The following RFX4 variants were observed in gnomAD, a reference collection of about 807,000 sequenced individuals.
RFX4 encodes regulatory factor X4.
A neutral mutation model predicts 95.0 loss-of-function variants in RFX4; 10 were observed. That is an observed-to-expected ratio of 0.11 (90% CI 0.06 to 0.18). RFX4 has a LOEUF of 0.18. Among genes scored for constraint, RFX4 ranks in the 10% least tolerant of loss-of-function variants. The pLI is 1.00. For missense variants in RFX4, 640 were observed against 922.0 expected (o/e 0.69, Z 3.96); for synonymous variants, 321 against 340.7 (o/e 0.94, Z 0.64).
At chr12:106,588,980 C>A (rs998139360) in intron 1 of RFX4, among the ~76,000 whole-genome samples, 1 of 152,196 alleles carries the variant, frequency 6.6e-6, no homozygotes, top group Admixed American at 6.5e-5. Context: ...GCCGGACACT[C>A]AGGTCTCTAC....
chr12:106,592,141 A>G (rs1323626137), intron 1 of RFX4, among the ~76,000 whole-genome samples: 1 of 152,158 alleles, frequency 6.6e-6, no homozygotes, highest in Non-Finnish European at 1.5e-5. Flanking sequence ...TATTATTAAC[A>G]ATAATTATCT....
intron 13 of RFX4, among the ~76,000 whole-genome samples, chr12:106,723,159 CTCTCT>C (rs1366420825): frequency 6.6e-6 from 1 of 152,176 alleles, no homozygotes; most frequent in Non-Finnish European, 1.5e-5. Context: ...TTCCTTTTCA[CTCTCT>C]TCTCCTTAAT....
chr12:106,720,641 C>T lies in RFX4; in HGVS notation c.1234-118C>T. On this transcript the variant is annotated intron_variant, in intron 12 of 17. Transcript: ENST00000392842. This position sits in a 1 kb window ranked among gnomAD's most constrained non-coding sequence, Gnocchi z 4.2. ...TCATGCGATCATCCGCCCACCTTGG[C>T]CTCCCAAAGTGCTGGGATTACAGGC... is the stretch of plus-strand genomic sequence containing the variant. 1 of 940,952 alleles carries T rather than the reference C, an allele frequency of 1.1e-6. No homozygotes were observed. The highest frequency in any genetic ancestry group is 1.7e-6 in the Non-Finnish European group (1 of 589,286). 58.3% of individuals were successfully genotyped at this position (940,952 alleles called of 1,614,324 possible).
In RFX4 at chr12:106,761,463, T is replaced by A; in HGVS notation, c.2202T>A (p.Ala734=). The A allele has an allele frequency of 2.5e-6, 4 of 1,600,234 alleles. No homozygotes were observed. The highest frequency in any genetic ancestry group is 3.4e-6 in the Non-Finnish European group (4 of 1,172,536). Residue 734 remains alanine (A), a synonymous_variant, in exon 18 of 18, where the codon GCT becomes GCA. Coordinates refer to ENST00000392842, the MANE Select transcript of RFX4 (RefSeq NM_213594.3). ...ACGGAGAGGCCTCTACAGGATGGGC[T>A]AAATGACTGCTATCATAGGCATCCA... ...YINGEASTGW[A]K
intron 1 of RFX4, among the ~76,000 whole-genome samples, chr12:106,597,576 G>C (rs928254902): frequency 1.3e-5 from 2 of 152,226 alleles, no homozygotes; most frequent in African/African-American, 4.8e-5. Context: ...CCGTTTTACA[G>C]ATGAAGAACC....
chr12:106,627,475 T>C (rs1286983738), intron 2 of RFX4, among the ~76,000 whole-genome samples: 1 of 152,046 alleles, frequency 6.6e-6, no homozygotes, highest in African/African-American at 2.4e-5. Flanking sequence ...GTGAAGAGGT[T>C]GCAGTGAGCC....
chr12:106,669,627 A>T (rs986516687), intron 4 of RFX4, among the ~76,000 whole-genome samples: 1 of 152,058 alleles, frequency 6.6e-6, no homozygotes, highest in Non-Finnish European at 1.5e-5. Flanking sequence ...CACACCCCTG[A>T]ACTGACACAG....
chr12:106,632,672 T>C (rs2040439001), intron 2 of RFX4, among the ~76,000 whole-genome samples: 1 of 152,136 alleles, frequency 6.6e-6, no homozygotes, highest in African/African-American at 2.4e-5. Flanking sequence ...TTTCTTTTTG[T>C]TTTGTTTTGT....
Position 106,727,178 on chromosome 12 carries a change from A to G in RFX4, c.1352-4952A>G, listed in dbSNP as rs193005908. 1.1e-3 allele frequency among the ~76,000 whole-genome samples: 163 copies of G among 152,342 alleles called. 1 individual carries two copies. Among genetic ancestry groups the G allele is most frequent in the Non-Finnish European group, 1.6e-3 (109 of 68,028 alleles). On this transcript the variant is annotated intron_variant, in intron 13 of 17. Transcript: ENST00000392842. ...AATATTAGACTATGCCAAAAATCCT[A>G]GTAGGAAAAATTACCAATTAACATA...
At chr12:106,751,907 A>G (rs2043013322) in intron 17 of RFX4, among the ~76,000 whole-genome samples, 2 of 147,166 alleles carry the variant, frequency 1.4e-5, no homozygotes, top group African/African-American at 5.0e-5. Flanking sequence ...CTCTGATGGT[A>G]GTTTCTTTTG....
chr12:106,729,273 C>G (rs1164840213), intron 13 of RFX4, among the ~76,000 whole-genome samples: 5 of 152,108 alleles, frequency 3.3e-5, no homozygotes, highest in Non-Finnish European at 5.9e-5. Flanking sequence ...CAAGTAATTT[C>G]TTCATTTTGG....
At chr12:106,723,909 C>T (rs1448636550) in intron 13 of RFX4, among the ~76,000 whole-genome samples, 3 of 152,176 alleles carry the variant, frequency 2.0e-5, no homozygotes, top group Non-Finnish European at 4.4e-5. Flanking sequence ...TGAATTCAAC[C>T]CGCAATTGTT....
chr12:106,760,050 C>A (rs2043182341), intron 17 of RFX4, among the ~76,000 whole-genome samples: 1 of 152,188 alleles, frequency 6.6e-6, no homozygotes, highest in African/African-American at 2.4e-5. Flanking sequence ...TAGGCTTCAG[C>A]CTGTCTGTCT....
chr12:106,709,459 A>G, intron 9 of RFX4, 29 bp downstream of exon 9: 1 of 1,541,850 alleles, frequency 6.5e-7, no homozygotes, highest in Non-Finnish European at 8.9e-7. Context: ...GCGGGATGGA[A>G]GAGAGAATTA....
intron 4 of RFX4, among the ~76,000 whole-genome samples, chr12:106,675,546 A>G (rs1369540577): frequency 6.6e-6 from 1 of 152,244 alleles, no homozygotes; most frequent in Non-Finnish European, 1.5e-5. Flanking sequence ...AATTAACTCA[A>G]TTTAGCCATT....
At chr12:106,682,145 C>A in intron 5 of RFX4, 91 bp downstream of exon 5, 1 of 1,323,030 alleles carries the variant, frequency 7.6e-7, no homozygotes, top group Non-Finnish European at 1.1e-6. Context: ...TGAGCTCTGT[C>A]TGCAGGCCTG....
chr12:106,628,469 T>C (rs1359749461), intron 2 of RFX4, among the ~76,000 whole-genome samples: 1 of 152,224 alleles, frequency 6.6e-6, no homozygotes, highest in Non-Finnish European at 1.5e-5. Flanking sequence ...CTTCCAGTTT[T>C]TGGCACTCCA....
chr12:106,751,644 T>A (rs1000370056), intron 17 of RFX4, among the ~76,000 whole-genome samples: 6 of 148,528 alleles, frequency 4.0e-5, no homozygotes, highest in Admixed American at 4.0e-4. Context: ...TGGTGTGAGA[T>A]GGTATCTCAT....
At chr12:106,683,693 C>A (rs1471126076) in intron 5 of RFX4, 1 of 152,010 alleles carries the variant, frequency 6.6e-6, no homozygotes, top group African/African-American at 2.4e-5. Context: ...TTATTTTTCT[C>A]CAGCTCTTGG....
Sources: gnomAD v4.1 joint callset for allele counts (sites outside exome capture counted in the v4.1 genomes callset) on GRCh38, gnomAD v4.1.1 for gene constraint, Gnocchi (gnomAD v3.1) non-coding constraint, MANE v1.5 for transcripts, NCBI Gene and HGNC (gene_info 2026-07-23, HGNC 2026-07-21) for gene names.